Variants in ATP6V1B1 observed in about 807,000 individuals in gnomAD.
ATP6V1B1 encodes the protein V-type proton ATPase subunit B, kidney isoform.
In ATP6V1B1, 41 loss-of-function variants were observed where a neutral mutation model predicts 62.1. The ratio of observed to expected loss-of-function variants is 0.66; its 90% confidence interval spans 0.51 to 0.86. The LOEUF is 0.86. Among genes scored for constraint, ATP6V1B1 ranks in the 40% least tolerant of loss-of-function variants. ATP6V1B1 has a pLI of 0.00. For synonymous variants in ATP6V1B1, 253 were observed against 273.4 expected, an observed-to-expected ratio of 0.93 and a Z score of 0.74; for missense variants, 651 against 697.5, an observed-to-expected ratio of 0.93 and a Z score of 0.75.
Position 70,957,884 on chromosome 2 carries a change from G to A in ATP6V1B1, c.175-162G>A, listed in dbSNP as rs1488746745. On this transcript the variant is annotated intron_variant, in intron 2 of 13. Coordinates refer to ENST00000234396, the MANE Select transcript of ATP6V1B1 (RefSeq NM_001692.4). ...AGTGGGTGCAACTGCCTCCCAAACA[G>A]AATTCAAACTTTCACTTCCCAGCCC... 3.9e-5 allele frequency: 28 copies of A among 722,722 alleles called. No homozygotes were observed. The South Asian group carries it at 4.3e-4, about 11-fold the overall frequency. 44.8% of individuals were successfully genotyped at this position (722,722 alleles called of 1,614,324 possible).
chr2:70,956,845 A>G (rs1680447966), intron 2 of ATP6V1B1, among the ~76,000 whole-genome samples: 1 of 152,054 alleles, frequency 6.6e-6, no homozygotes, highest in South Asian at 2.1e-4. Context: ...TCAGCCTCCC[A>G]AAGTGCTGGG....
intron 1 of ATP6V1B1, among the ~76,000 whole-genome samples, chr2:70,937,577 A>G (rs1021863668): frequency 6.6e-6 from 1 of 151,922 alleles, no homozygotes; most frequent in Non-Finnish European, 1.5e-5. Context: ...TTGGGTCCAG[A>G]GCCCAGGCCT....
chr2:70,944,291 A>G, intron 2 of ATP6V1B1: 2 of 1,196,608 alleles, frequency 1.7e-6, no homozygotes, highest in South Asian at 1.3e-5. Context: ...GCCCCTGGGA[A>G]ACTGGCAGAC....
Position 70,958,090 on chromosome 2 carries a change from G to A in ATP6V1B1, c.219G>A (p.Gly73=). 6.2e-7 allele frequency: 1 copy of A among 1,614,166 alleles called. No individual in the cohort carries two copies. Among genetic ancestry groups the A allele is most frequent in the East Asian group, 2.2e-5 (1 of 44,878 alleles). The change falls in exon 3 of 14, where the codon GGG becomes GGA. Residue 73 remains glycine, a synonymous_variant. Coordinates refer to ENST00000234396, the MANE Select transcript of ATP6V1B1 (RefSeq NM_001692.4). ...TCGTCCACTTCACCCTCCCAGATGG[G>A]ACTCAGAGGAGCGGGCAGGTGCTTG... ...AEIVHFTLPD[G]TQRSGQVLEV... is the part of the protein sequence containing the mutation.
rs1553419959 is a variant in ATP6V1B1 at position 70,960,959 on chromosome 2, G to C, written c.624G>C (p.Lys208Asn). The part of the protein sequence containing the change: ...AQICRQAGLV[K>N]KSKAVLDYHD... ...TCTGCCGCCAGGCGGGGCTGGTGAA[G>C]AAGTCCAAGGCTGTGCTGGATTACC... The change falls in exon 7 of 14, where the codon AAG becomes AAC. Residue 208 changes from lysine to asparagine, a missense_variant. Transcript: ENST00000234396. 1 of 1,608,984 alleles carries C rather than the reference G, an allele frequency of 6.2e-7. No homozygotes were observed. The highest frequency in any genetic ancestry group is 8.5e-7 in the Non-Finnish European group (1 of 1,177,680).
At position 70,941,583 on chromosome 2, in the gene ATP6V1B1, T is replaced by C; in HGVS notation, c.119-2075T>C. The C allele has an allele frequency of 3.8e-6, 3 of 798,242 alleles. No homozygotes were observed. In the South Asian group the frequency reaches 1.7e-4, roughly 45 times the overall value. The allele number at this position is 798,242 out of a possible 1,614,324, so 49.4% of individuals were successfully genotyped here. The stretch of plus-strand genomic sequence containing the variant: ...TCCCTTAGGAGCACCCACTGCAGTT[T>C]GTAATTATGTTATTTGCTCTGTATC... On this transcript the variant is annotated intron_variant, in intron 1 of 13. Coordinates refer to ENST00000234396, the MANE Select transcript of ATP6V1B1 (RefSeq NM_001692.4).
chr2:70,955,714 C>G lies in ATP6V1B1; in HGVS notation c.175-2332C>G, dbSNP rs141612050. The stretch of plus-strand genomic sequence containing the variant: ...TTATTTCTCAATTCGTGAAAATGTC[C>G]TTAATTTGTTGATGTAGCAAACAAA... On this transcript the variant is annotated intron_variant, in intron 2 of 13. Coordinates refer to ENST00000234396, the MANE Select transcript of ATP6V1B1 (RefSeq NM_001692.4). 8.7e-3 allele frequency among the ~76,000 whole-genome samples: 1,325 copies of G among 152,056 alleles called. 26 individuals carry two copies. The highest frequency in any genetic ancestry group is 0.03 in the African/African-American group (1,241 of 41,460).
At chr2:70,960,759 T>G in intron 6 of ATP6V1B1, among the ~76,000 whole-genome samples, 162 bp from the exon 7 acceptor site, 1 of 142,032 alleles carries the variant, frequency 7.0e-6, no homozygotes, top group Middle Eastern at 3.5e-3. Flanking sequence ...CAGCCCACAA[T>G]AACTCCCACC....
intron 1 of ATP6V1B1, chr2:70,943,448 C>T (rs552020485): frequency 2.0e-5 from 14 of 686,054 alleles, no homozygotes; most frequent in South Asian, 1.5e-4. Context: ...CCCCCAGCCT[C>T]CTGCAGGTGT....
chr2:70,940,345 C>CCCCACCCCAA, intron 1 of ATP6V1B1: 1 of 902,806 alleles, frequency 1.1e-6, no homozygotes, highest in Non-Finnish European at 1.3e-6. Context: ...CCCACACCCC[C>CCCCACCCCAA]ACCTCCCTAT....
intron 2 of ATP6V1B1, chr2:70,956,084 G>T: frequency 4.8e-6 from 1 of 210,172 alleles, no homozygotes; most frequent in South Asian, 1.0e-4. Context: ...TCAGCAAACT[G>T]ATCTGGGCCA....
At chr2:70,945,202 G>A (rs2104807775) in intron 2 of ATP6V1B1, among the ~76,000 whole-genome samples, 1 of 152,308 alleles carries the variant, frequency 6.6e-6, no homozygotes, top group Non-Finnish European at 1.5e-5. Flanking sequence ...AAGCAGTGAT[G>A]AGCACAAATA....
Position 70,963,990 on chromosome 2 carries a change from TA to T in ATP6V1B1, c.1143+337del. 1 of 464,564 alleles carries T rather than the reference TA, an allele frequency of 2.2e-6. No individual in the cohort carries two copies. Among genetic ancestry groups the T allele is most frequent in the Non-Finnish European group, 4.0e-6 (1 of 252,320 alleles). The allele number at this position is 464,564 out of a possible 1,614,324, so 28.8% of individuals were successfully genotyped here. ...AAAGCATCTGGCAGATAGTCAATAC[TA>T]TTTGCCTTCCCTTTCCAGTTATTTG... On this transcript the variant is annotated intron_variant, in intron 11 of 13. Transcript: ENST00000234396. The surrounding 1 kb of genome is among the most constrained non-coding windows in gnomAD (Gnocchi z 4.3).
chr2:70,936,866 T>A (rs954192936), intron 1 of ATP6V1B1, among the ~76,000 whole-genome samples: 1 of 152,070 alleles, frequency 6.6e-6, no homozygotes. Context: ...GGTGCTGGGA[T>A]GTACCCTTGT....
rs1391565469 is a variant in ATP6V1B1, at chr2:70,965,319, T to A, written c.*198T>A. On this transcript the variant is annotated 3_prime_UTR_variant, in exon 14 of 14. Transcript: ENST00000234396. ...CCGCGCTCCATGCCTCCCCCTCGAC[T>A]CCCGGTGCTGCGGAAGAACTGAAGG... 2 of 725,186 alleles carry A rather than the reference T, an allele frequency of 2.8e-6. No individual in the cohort carries two copies. Among genetic ancestry groups the A allele is most frequent in the Non-Finnish European group, 2.2e-6 (1 of 449,208 alleles). 44.9% of individuals were successfully genotyped at this position (725,186 alleles called of 1,614,324 possible).
chr2:70,949,786 T>G (rs868974873), intron 2 of ATP6V1B1, among the ~76,000 whole-genome samples: 1 of 152,334 alleles, frequency 6.6e-6, no homozygotes, highest in Middle Eastern at 3.4e-3. Flanking sequence ...TCACAGGCTA[T>G]CTTTTGCAAC....
chr2:70,961,682 C>G lies in ATP6V1B1; in HGVS notation c.774C>G (p.Ala258=), dbSNP rs782575368. 3.1e-6 allele frequency: 5 copies of G among 1,614,192 alleles called. No individual in the cohort carries two copies. The South Asian group carries it at 5.5e-5, about 18-fold the overall frequency. Residue 258 remains alanine (A), a synonymous_variant, in exon 8 of 14, where the codon GCC becomes GCG. Coordinates refer to ENST00000234396, the MANE Select transcript of ATP6V1B1 (RefSeq NM_001692.4). ...ACGTCTGCCTCTTCCTGAACTTGGC[C>G]AATGACCCCACGTGAGCTTTCCCTG... The part of the protein sequence containing the change: ...MGNVCLFLNL[A]NDPTIERIIT...
intron 2 of ATP6V1B1, among the ~76,000 whole-genome samples, chr2:70,945,701 G>GAGATATATATATATAT (rs1553417203): frequency 2.5e-4 from 21 of 83,000 alleles, no homozygotes; most frequent in African/African-American, 9.1e-4. Flanking sequence ...TATTTGAAGA[G>GAGATATATATATATAT]ATATATATAT....
Position 70,959,375 on chromosome 2 carries a change from G to A in ATP6V1B1, c.445+280G>A, listed in dbSNP as rs1680525195. Among the ~76,000 whole-genome samples, 1 of 152,234 alleles carries A rather than the reference G, an allele frequency of 6.6e-6. No individual in the cohort carries two copies. Among genetic ancestry groups the A allele is most frequent in the Admixed American group, 6.5e-5 (1 of 15,286 alleles). ...TCCACAATCCTGAGAATGGGCTGCG[G>A]TGCTCTGCCGGCTCTCGTCCATTCA... is the stretch of plus-strand genomic sequence containing the variant. On this transcript the variant is annotated intron_variant, in intron 5 of 13. Transcript: ENST00000234396. This position sits in a 1 kb window ranked among gnomAD's most constrained non-coding sequence, Gnocchi z 4.2.
Sources: allele counts gnomAD v4.1 joint callset (sites outside exome capture counted in the v4.1 genomes callset), GRCh38; gene constraint gnomAD v4.1.1; non-coding constraint Gnocchi (gnomAD v3.1); transcripts MANE v1.5; gene names NCBI Gene and HGNC (gene_info 2026-07-23, HGNC 2026-07-21).